Variants in CDT1 observed in about 807,000 individuals in gnomAD.
CDT1 encodes DNA replication factor Cdt1.
Under a neutral mutation model 49.3 loss-of-function variants are expected in CDT1, and 66 were observed. That is an observed-to-expected ratio of 1.34 (90% confidence interval 1.10 to 1.64). CDT1 has a LOEUF of 1.64. Among genes scored for constraint, CDT1 ranks in the 40% most tolerant of loss-of-function variants. The pLI, the probability that CDT1 is intolerant of heterozygous loss-of-function variation, is 0.00. For synonymous variants in CDT1, 424 were observed against 347.4 expected, an observed-to-expected ratio of 1.22 and a Z score of -2.45; for missense variants, 958 against 807.7, an observed-to-expected ratio of 1.19 and a Z score of -2.26.
rs764297729 is a variant in CDT1, at chr16:88,807,177, G to A, written c.1249G>A (p.Gly417Arg). 3.7e-6 allele frequency: 6 copies of A among 1,612,468 alleles called. No individual in the cohort carries two copies. In the South Asian group the frequency reaches 5.5e-5, roughly 15 times the overall value. The change falls in exon 8 of 10, where the codon GGG becomes AGG. Residue 417 changes from glycine to arginine, a missense_variant. Coordinates refer to ENST00000301019, the MANE Select transcript of CDT1 (RefSeq NM_030928.4). ...TGCAGCCTCTCCCAGTGCTCTGAAG[G>A]GGGTGTCCCAGGATCTGCTGGAGCG... Reference protein sequence around the residue: ...PPAASPSALKGVSQDLLERIR... With the variant: ...PPAASPSALKRVSQDLLERIR...
chr16:88,805,055 C>G (rs1018457949), intron 3 of CDT1, among the ~76,000 whole-genome samples, 157 bp downstream of exon 3: 2 of 152,232 alleles, frequency 1.3e-5, no homozygotes, highest in African/African-American at 2.4e-5. Flanking sequence ...AAAAAGGTCC[C>G]GGGCACTGCT....
chr16:88,807,821 A>G (rs934736954), intron 9 of CDT1, among the ~76,000 whole-genome samples: 1 of 152,138 alleles, frequency 6.6e-6, no homozygotes, highest in Non-Finnish European at 1.5e-5. Flanking sequence ...CTGAGCACAT[A>G]GGGGTCCTGA....
intron 1 of CDT1, among the ~76,000 whole-genome samples, 200 bp downstream of exon 1, chr16:88,804,259 TG>T (rs1875753774): frequency 6.6e-6 from 1 of 151,292 alleles, no homozygotes; most frequent in Non-Finnish European, 1.5e-5. Context: ...GCTCCTGAGA[TG>T]AGCAGGAGGC....
At chr16:88,804,690 G>A (rs747613865) in intron 2 of CDT1, 23 bp downstream of exon 2, 12 of 1,612,172 alleles carry the variant, frequency 7.4e-6, no homozygotes, top group Admixed American at 5.0e-5. Flanking sequence ...GCCTGGGGCA[G>A]ATGCGGGAGG....
rs748777018 is a variant in CDT1 at position 88,808,203 on chromosome 16, G to A, written c.1566G>A (p.Lys522=). The change falls in exon 10 of 10, where the codon AAG becomes AAA. Residue 522 remains lysine (K), a synonymous_variant. Coordinates refer to ENST00000301019, the MANE Select transcript of CDT1 (RefSeq NM_030928.4). The stretch of plus-strand genomic sequence containing the variant: ...GCATCCGCACCGACACCTACGTCAA[G>A]CTGGACAAGGCCGCGGACCTCGCCC... ...LHRIRTDTYV[K]LDKAADLAHI... 2.5e-5 allele frequency: 41 copies of A among 1,612,352 alleles called. No individual in the cohort carries two copies. The Admixed American group carries it at 6.7e-4, about 26-fold the overall frequency.
chr16:88,807,251 C>T (rs1415131563), intron 8 of CDT1, 30 bp from the exon 9 acceptor site: 2 of 1,611,460 alleles, frequency 1.2e-6, no homozygotes, highest in East Asian at 2.2e-5. Context: ...GACCTGCTGC[C>T]CACTAACCAG....
At position 88,809,025 on chromosome 16, in the gene CDT1, A is replaced by G. The variant is rs1908990426; in HGVS notation, c.*747A>G. The G allele has an allele frequency of 1.1e-5, 2 of 175,616 alleles. No individual in the cohort carries two copies. The highest frequency in any genetic ancestry group is 2.4e-4 in the South Asian group (2 of 8,318). The allele number at this position is 175,616 out of a possible 1,614,324, so 10.9% of individuals were successfully genotyped here. A position where few individuals can be genotyped will look rare whatever the true frequency, so the allele number is the denominator to read the frequency against. ...AAAAAAAAAAATTTCAAGACTGGAGAGGTGATCCTGAATTGTCCAGCTACG... is the reference window on the plus strand; with the variant it reads ...AAAAAAAAAAATTTCAAGACTGGAGGGGTGATCCTGAATTGTCCAGCTACG... On this transcript the variant is annotated 3_prime_UTR_variant, in exon 10 of 10. Coordinates refer to ENST00000301019, the MANE Select transcript of CDT1 (RefSeq NM_030928.4).
chr16:88,804,747 CT>C lies in CDT1; in HGVS notation c.352-14del, dbSNP rs776151753. 3.2e-5 allele frequency: 51 copies of C among 1,612,698 alleles called. No individual in the cohort carries two copies. Among genetic ancestry groups the C allele is most frequent in the Non-Finnish European group, 4.1e-5 (48 of 1,179,872 alleles). ...TGCCTGCCTGACGGCACCGTGTCCC[CT>C]GATCCCCCTGAAGGACACCATCTCT... On this transcript the variant is annotated splice_polypyrimidine_tract_variant and intron_variant, in intron 2 of 9. Coordinates refer to ENST00000301019, the MANE Select transcript of CDT1 (RefSeq NM_030928.4).
chr16:88,808,718 T>C lies in CDT1; in HGVS notation c.*440T>C. On this transcript the variant is annotated 3_prime_UTR_variant, in exon 10 of 10. Transcript: ENST00000301019. Reference sequence around the variant, plus strand: ...CTTTTGTCATTAAGAAAGACTGGGGTGGGTGTGGTGGCTCACGCCTGTAAC... The same window carrying C: ...CTTTTGTCATTAAGAAAGACTGGGGCGGGTGTGGTGGCTCACGCCTGTAAC... The C allele has an allele frequency of 5.0e-6, 1 of 199,230 alleles. No homozygotes were observed. Among genetic ancestry groups the C allele is most frequent in the South Asian group, 8.6e-5 (1 of 11,636 alleles). The allele number at this position is 199,230 out of a possible 1,614,324, so 12.3% of individuals were successfully genotyped here.
rs200196258 is a variant in CDT1, at chr16:88,805,160, G to T, written c.488+262G>T. On this transcript the variant is annotated intron_variant, in intron 3 of 9. Coordinates refer to ENST00000301019, the MANE Select transcript of CDT1 (RefSeq NM_030928.4). ...CTCCTGATGCATTGGTGTGTTGTCT[G>T]CCTCTGCCCCTGAGAGCTGACGAAA... 2.6e-5 allele frequency among the ~76,000 whole-genome samples: 4 copies of T among 152,350 alleles called. No homozygotes were observed. The East Asian group carries it at 7.7e-4, about 29-fold the overall frequency.
At position 88,808,593 on chromosome 16, in the gene CDT1, G is replaced by C. The variant is rs964327531; in HGVS notation, c.*315G>C. 7 of 437,854 alleles carry C rather than the reference G, an allele frequency of 1.6e-5. No homozygotes were observed. Among genetic ancestry groups the C allele is most frequent in the African/African-American group, 1.0e-4 (5 of 50,134 alleles). The allele number at this position is 437,854 out of a possible 1,614,324, so 27.1% of individuals were successfully genotyped here. A position where few individuals can be genotyped will look rare whatever the true frequency, so the allele number is the denominator to read the frequency against. On this transcript the variant is annotated 3_prime_UTR_variant, in exon 10 of 10. Transcript: ENST00000301019. The stretch of plus-strand genomic sequence containing the variant: ...CATCGGGAGTGTGGCTGGGGGTGAA[G>C]GGGGCTCTGTGGCAATATGGGGTTG...
chr16:88,807,249 G>A (rs1055533430), intron 8 of CDT1, 32 bp from the exon 9 acceptor site: 2 of 1,611,262 alleles, frequency 1.2e-6, no homozygotes, highest in Non-Finnish European at 1.7e-6. Context: ...GTGACCTGCT[G>A]CCCACTAACC....
chr16:88,804,415 G>C (rs1231340610), intron 1 of CDT1, 130 bp from the exon 2 acceptor site: 1 of 1,194,120 alleles, frequency 8.4e-7, no homozygotes, highest in Non-Finnish European at 1.2e-6. Flanking sequence ...ACCATCTACG[G>C]GAAGTCCTAA....
In CDT1 at chr16:88,804,745, C is replaced by G; in HGVS notation, c.352-17C>G. The stretch of plus-strand genomic sequence containing the variant: ...CCTGCCTGCCTGACGGCACCGTGTC[C>G]CCTGATCCCCCTGAAGGACACCATC... On this transcript the variant is annotated splice_polypyrimidine_tract_variant and intron_variant, in intron 2 of 9. Coordinates refer to ENST00000301019, the MANE Select transcript of CDT1 (RefSeq NM_030928.4). 6.2e-7 allele frequency: 1 copy of G among 1,612,824 alleles called. No homozygotes were observed.
Position 88,808,526 on chromosome 16 carries a change from C to T in CDT1, c.*248C>T. The T allele has an allele frequency of 3.6e-6, 2 of 554,588 alleles. No individual in the cohort carries two copies. Among genetic ancestry groups the T allele is most frequent in the South Asian group, 4.5e-5 (2 of 44,292 alleles). The allele number at this position is 554,588 out of a possible 1,614,324, so 34.4% of individuals were successfully genotyped here. Reference sequence around the variant, plus strand: ...TCTGTGGGCACCTCTGTCCTTGCTGCTGGTGGGGAAGGGAAGCCAGATCCA... The same window carrying T: ...TCTGTGGGCACCTCTGTCCTTGCTGTTGGTGGGGAAGGGAAGCCAGATCCA... On this transcript the variant is annotated 3_prime_UTR_variant, in exon 10 of 10. Transcript: ENST00000301019.
At position 88,805,485 on chromosome 16, in the gene CDT1, G is replaced by C. The variant is rs780068467; in HGVS notation, c.534G>C (p.Gln178His). 1 of 1,612,838 alleles carries C rather than the reference G, an allele frequency of 6.2e-7. No homozygotes were observed. Among genetic ancestry groups the C allele is most frequent in the South Asian group, 1.1e-5 (1 of 91,082 alleles). ...ACCAGCGCTTCCATGCCCTGGCCCAGCCCGGCCTGCCGGGACTCGTGCTGC... is the reference window on the plus strand; with the variant it reads ...ACCAGCGCTTCCATGCCCTGGCCCACCCCGGCCTGCCGGGACTCGTGCTGC... ...PAYQRFHALA[Q>H]PGLPGLVLPY... The change falls in exon 4 of 10, where the codon CAG (glutamine) becomes CAC (histidine). Residue 178 changes from glutamine (Q) to histidine (H), a missense_variant. Physicochemically the swap from Gln to His is conservative, Grantham distance 24. Coordinates refer to ENST00000301019, the MANE Select transcript of CDT1 (RefSeq NM_030928.4).
intron 9 of CDT1, 68 bp downstream of exon 9, chr16:88,807,550 C>G: frequency 1.4e-5 from 20 of 1,431,082 alleles, no homozygotes; most frequent in Non-Finnish European, 1.8e-5. Context: ...GCCTCCCCAG[C>G]TTTCTGAGCA....
rs1908938164 is a variant in CDT1 at position 88,808,120 on chromosome 16, A to G, written c.1483A>G (p.Met495Val). 6.2e-7 allele frequency: 1 copy of G among 1,612,376 alleles called. No homozygotes were observed. Among genetic ancestry groups the G allele is most frequent in the Admixed American group, 1.7e-5 (1 of 59,944 alleles). Residue 495 changes from methionine (M) to valine (V), a missense_variant, in exon 10 of 10, where the codon ATG becomes GTG. Transcript: ENST00000301019. ...GTCCTCCTCTCCTCCCCCAGGGGAA[A>G]TGGAGAAGCACCTGCTGCTCCTCTC... ...SCCTIMSPGE[M>V]EKHLLLLSEL...
intron 6 of CDT1, 123 bp from the exon 7 acceptor site, chr16:88,806,362 TG>T: frequency 8.1e-7 from 1 of 1,231,708 alleles, no homozygotes; most frequent in Non-Finnish European, 1.1e-6. Context: ...AGCTGAGCAC[TG>T]GGCAGAGGCT....
Sources: gnomAD v4.1 joint callset for allele counts (sites outside exome capture counted in the v4.1 genomes callset) on GRCh38, gnomAD v4.1.1 for gene constraint, MANE v1.5 for transcripts, NCBI Gene and HGNC (gene_info 2026-07-23, HGNC 2026-07-21) for gene names.